The following TFPI variants were observed in gnomAD, a reference collection of about 807,000 sequenced individuals.
The protein encoded by TFPI is anti-convertin.
TFPI carries 15 observed loss-of-function variants against 34.6 expected under a neutral mutation model. The ratio of observed to expected loss-of-function variants is 0.43; its 90% CI spans 0.29 to 0.67. The LOEUF (loss-of-function observed/expected upper bound fraction) is 0.67, where lower values mean the gene tolerates loss of function less well. Ranked by LOEUF, TFPI falls within the 30% of genes least tolerant of loss-of-function variation. TFPI has a pLI of 0.15. For missense variants in TFPI, 301 were observed against 364.0 expected, an observed-to-expected ratio of 0.83 and a Z score of 1.41; for synonymous variants, 105 against 120.1, an observed-to-expected ratio of 0.87 and a Z score of 0.82.
intron 6 of TFPI, among the ~76,000 whole-genome samples, chr2:187,470,287 G>A (rs939473776): frequency 6.6e-6 from 1 of 152,150 alleles, no homozygotes; most frequent in African/African-American, 2.4e-5. Flanking sequence ...AAATAGCAAT[G>A]CCAGACATCA....
intron 3 of TFPI, among the ~76,000 whole-genome samples, 156 bp from the exon 4 acceptor site, chr2:187,488,531 T>G (rs1574407210): frequency 6.6e-6 from 1 of 151,430 alleles, no homozygotes; most frequent in Non-Finnish European, 1.5e-5. Context: ...TTCTTTTCTC[T>G]AAAAATTAAT....
At position 187,484,795 on chromosome 2, in the gene TFPI, T is replaced by A; in HGVS notation, c.535+16A>T. On this transcript the variant is annotated intron_variant, in intron 5 of 7. Transcript: ENST00000233156. Reference sequence around the variant, plus strand: ...TGCCTATAAATGAACTAAAATGAAATAAGAAATAAACTTACGACCATCTTC... The same window carrying A: ...TGCCTATAAATGAACTAAAATGAAAAAAGAAATAAACTTACGACCATCTTC... 1 of 1,564,414 alleles carries A rather than the reference T, an allele frequency of 6.4e-7. No individual in the cohort carries two copies. The highest frequency in any genetic ancestry group is 8.6e-7 in the Non-Finnish European group (1 of 1,163,196).
At chr2:187,506,426 G>A (rs1307562467) in intron 1 of TFPI, among the ~76,000 whole-genome samples, 2 of 151,970 alleles carry the variant, frequency 1.3e-5, no homozygotes, top group South Asian at 2.1e-4. Context: ...AACATGTTAC[G>A]TTAGTATGGT....
chr2:187,473,813 C>T (rs1287014044), intron 6 of TFPI, among the ~76,000 whole-genome samples: 2 of 146,390 alleles, frequency 1.4e-5, no homozygotes, highest in African/African-American at 5.0e-5. Context: ...TTTTTTTTTT[C>T]CCCCCGCATG....
chr2:187,508,126 T>C (rs1189315057), intron 1 of TFPI, among the ~76,000 whole-genome samples: 1 of 152,220 alleles, frequency 6.6e-6, no homozygotes, highest in Non-Finnish European at 1.5e-5. Context: ...ATTTTAGATG[T>C]GTGCTGTTAT....
chr2:187,542,237 CTGTGGGCTGAATAAAAGAT>C (rs1688619553), intron 1 of TFPI, among the ~76,000 whole-genome samples: 1 of 151,494 alleles, frequency 6.6e-6, no homozygotes, highest in East Asian at 1.9e-4. Flanking sequence ...AAGAGTTTAA[CTGTGGGCTGAATAAAAGAT>C]GTATTTCCCA....
At chr2:187,496,228 A>G (rs180692051) in intron 3 of TFPI, among the ~76,000 whole-genome samples, 32 of 152,246 alleles carry the variant, frequency 2.1e-4, no homozygotes, top group Admixed American at 6.5e-4. Flanking sequence ...AGGTTCCAAT[A>G]ATAAAAAAAT....
chr2:187,547,860 A>G (rs746823199), intron 1 of TFPI, among the ~76,000 whole-genome samples: 8 of 152,170 alleles, frequency 5.3e-5, no homozygotes, highest in Non-Finnish European at 1.0e-4. Context: ...ACATGATCAT[A>G]TCATCAGAAA....
intron 1 of TFPI, among the ~76,000 whole-genome samples, chr2:187,550,250 C>T (rs983591592): frequency 1.3e-5 from 2 of 152,054 alleles, no homozygotes; most frequent in African/African-American, 4.8e-5. Context: ...GGTGAAGCAC[C>T]ACCTAAAAGG....
At chr2:187,521,845 G>A (rs2106212851) in intron 1 of TFPI, among the ~76,000 whole-genome samples, 1 of 152,208 alleles carries the variant, frequency 6.6e-6, no homozygotes, top group Non-Finnish European at 1.5e-5. Flanking sequence ...GGGATTACAA[G>A]CGTGAGCCAC....
chr2:187,484,001 A>T, intron 6 of TFPI, 123 bp downstream of exon 6: 1 of 768,552 alleles, frequency 1.3e-6, no homozygotes, highest in Non-Finnish European at 2.1e-6. Flanking sequence ...TTCAACAAAC[A>T]CATTATTAAG....
At chr2:187,503,017 A>G (rs1349598031) in intron 2 of TFPI, among the ~76,000 whole-genome samples, 2 of 152,140 alleles carry the variant, frequency 1.3e-5, no homozygotes, top group African/African-American at 2.4e-5. Context: ...CTAATTTGCC[A>G]CAAAATGTTA....
At chr2:187,497,524 A>G (rs1685569388) in intron 2 of TFPI, among the ~76,000 whole-genome samples, 1 of 152,006 alleles carries the variant, frequency 6.6e-6, no homozygotes, top group African/African-American at 2.4e-5. Flanking sequence ...ATATAACACT[A>G]TATTAAACCA....
chr2:187,511,796 G>A (rs888753320), intron 1 of TFPI, among the ~76,000 whole-genome samples: 1 of 151,934 alleles, frequency 6.6e-6, no homozygotes, highest in Non-Finnish European at 1.5e-5. Context: ...ATAAGCAGCT[G>A]ACAGAGGCAA....
chr2:187,541,532 C>G (rs776622278), intron 1 of TFPI, among the ~76,000 whole-genome samples: 2 of 152,104 alleles, frequency 1.3e-5, no homozygotes, highest in Non-Finnish European at 2.9e-5. Flanking sequence ...ATAAAAAGCC[C>G]CATATGTAGC....
At chr2:187,481,449 C>G (rs1692847643) in intron 6 of TFPI, among the ~76,000 whole-genome samples, 2 of 152,156 alleles carry the variant, frequency 1.3e-5, no homozygotes, top group South Asian at 4.1e-4. Context: ...AAGGGGTCAT[C>G]TAGGTTTTAG....
intron 6 of TFPI, among the ~76,000 whole-genome samples, chr2:187,477,949 A>G (rs2105980640): frequency 1.3e-5 from 2 of 152,258 alleles, no homozygotes; most frequent in South Asian, 4.2e-4. Context: ...GCAATGTGGA[A>G]CTGGGTCAGG....
chr2:187,466,725 A>G lies in TFPI; in HGVS notation c.*211T>C, dbSNP rs997654079. The G allele has an allele frequency of 3.1e-5, 9 of 292,990 alleles. No individual in the cohort carries two copies. Among genetic ancestry groups the G allele is most frequent in the African/African-American group, 2.0e-4 (9 of 44,606 alleles). 18.1% of individuals were successfully genotyped at this position (292,990 alleles called of 1,614,324 possible). On this transcript the variant is annotated 3_prime_UTR_variant, in exon 8 of 8. Transcript: ENST00000233156. ...TCCAGAAAATAAGTAATTTCCCAGT[A>G]GCCAGTTAATAAATTACAGACCTAG...
chr2:187,544,641 G>GA (rs10699745), intron 1 of TFPI: 47,418 of 140,820 alleles, frequency 0.34, 8,345 homozygotes, highest in African/African-American at 0.43. Flanking sequence ...ACTTCATCTG[G>GA]AAAAAAAAAA....
Sources: allele counts gnomAD v4.1 joint callset (sites outside exome capture counted in the v4.1 genomes callset), GRCh38; gene constraint gnomAD v4.1.1; transcripts MANE v1.5; gene names NCBI Gene and HGNC (gene_info 2026-07-23, HGNC 2026-07-21).